ADAMTS17: variants seen among roughly 807,000 people sequenced by gnomAD.
The protein encoded by ADAMTS17 is ADAM metallopeptidase with thrombospondin type 1 motif 17, also known as A disintegrin and metalloproteinase with thrombospondin motifs 17.
ADAMTS17 carries 113 observed loss-of-function variants against 141.5 expected under a neutral mutation model. That is an observed-to-expected ratio of 0.80 (90% CI 0.69 to 0.93). ADAMTS17 has a LOEUF of 0.93. Among genes scored for constraint, ADAMTS17 ranks in the 40% least tolerant of loss-of-function variants. ADAMTS17 has a pLI of 0.00. For synonymous variants in ADAMTS17, 768 were observed against 630.6 expected (o/e 1.22, Z -3.27); for missense variants, 1,659 against 1,517.9 (o/e 1.09, Z -1.54).
intron 15 of ADAMTS17, among the ~76,000 whole-genome samples, chr15:100,089,600 T>C (rs1449603531): frequency 6.6e-6 from 1 of 151,726 alleles, no homozygotes; most frequent in Admixed American, 6.6e-5. Context: ...CAACAGTGAT[T>C]GACTGGATTA....
At chr15:100,127,668 A>G (rs1210624306) in intron 12 of ADAMTS17, among the ~76,000 whole-genome samples, 1 of 152,052 alleles carries the variant, frequency 6.6e-6, no homozygotes, top group Non-Finnish European at 1.5e-5. Flanking sequence ...TGCAAACTGC[A>G]CCTCCCGGGT....
intron 8 of ADAMTS17, among the ~76,000 whole-genome samples, chr15:100,184,116 G>A (rs1168960836): frequency 6.6e-6 from 1 of 152,170 alleles, no homozygotes; most frequent in Non-Finnish European, 1.5e-5. Flanking sequence ...AGTAGGCCTG[G>A]GGTTTGCTGC....
intron 15 of ADAMTS17, among the ~76,000 whole-genome samples, chr15:100,057,233 G>A (rs1331980641): frequency 6.6e-6 from 1 of 152,168 alleles, no homozygotes; most frequent in African/African-American, 2.4e-5. Flanking sequence ...GCAAGAGAGG[G>A]AGAGTGGCCT....
At chr15:99,987,882 G>A (rs1238346918) in intron 20 of ADAMTS17, among the ~76,000 whole-genome samples, 1 of 152,106 alleles carries the variant, frequency 6.6e-6, no homozygotes, top group African/African-American at 2.4e-5. Flanking sequence ...GAGGGTGGGT[G>A]GTGAGGTCCA....
chr15:100,143,434 A>G (rs965952288), intron 10 of ADAMTS17, among the ~76,000 whole-genome samples: 2 of 152,236 alleles, frequency 1.3e-5, no homozygotes, highest in Middle Eastern at 3.2e-3. Context: ...CTAATTGCAT[A>G]AAGTTTATTT....
intron 15 of ADAMTS17, among the ~76,000 whole-genome samples, chr15:100,085,596 AG>A (rs2035046915): frequency 6.6e-6 from 1 of 152,122 alleles, no homozygotes; most frequent in Admixed American, 6.5e-5. Flanking sequence ...CCAGAGAGAA[AG>A]GTCGGGTTAC....
At chr15:100,199,780 C>A (rs569599318) in intron 7 of ADAMTS17, among the ~76,000 whole-genome samples, 1 of 152,196 alleles carries the variant, frequency 6.6e-6, no homozygotes, top group Non-Finnish European at 1.5e-5. Flanking sequence ...TGCGATCCTA[C>A]GCCAGATCTG....
intron 18 of ADAMTS17, among the ~76,000 whole-genome samples, chr15:100,003,241 T>C (rs1033315949): frequency 2.0e-5 from 3 of 152,128 alleles, no homozygotes; most frequent in African/African-American, 7.3e-5. Context: ...ACGCCCTTCC[T>C]TCTACTTCCC....
rs528366665 is a variant in ADAMTS17 at position 100,297,701 on chromosome 15, T to C, written c.617-16300A>G. On this transcript the variant is annotated intron_variant, in intron 3 of 21. Coordinates refer to ENST00000268070, the MANE Select transcript of ADAMTS17 (RefSeq NM_139057.4). ...TGCTTTAGAAGCATCCAGGTGGAGATGTCAGGCTGGCTGCTGGCTGTGCGG... is the reference window on the plus strand; with the variant it reads ...TGCTTTAGAAGCATCCAGGTGGAGACGTCAGGCTGGCTGCTGGCTGTGCGG... Among the ~76,000 whole-genome samples, 619 of 152,216 alleles carry C rather than the reference T, an allele frequency of 4.1e-3. 4 individuals are homozygous for C. Among genetic ancestry groups the C allele is most frequent in the Admixed American group, 5.6e-3 (86 of 15,294 alleles).
At chr15:100,036,371 T>C (rs1313129376) in intron 18 of ADAMTS17, among the ~76,000 whole-genome samples, 4 of 152,186 alleles carry the variant, frequency 2.6e-5, no homozygotes, top group South Asian at 2.1e-4. Context: ...CAGCCCAGCA[T>C]GATAAAGGCA....
chr15:100,169,911 C>T (rs777335254), intron 8 of ADAMTS17, among the ~76,000 whole-genome samples: 2 of 149,536 alleles, frequency 1.3e-5, no homozygotes, highest in Non-Finnish European at 2.9e-5. Context: ...TCCGGGGCCA[C>T]TCCCGGGGGC....
intron 10 of ADAMTS17, among the ~76,000 whole-genome samples, chr15:100,134,507 T>C (rs1484983795): frequency 1.3e-5 from 2 of 152,220 alleles, no homozygotes; most frequent in Non-Finnish European, 2.9e-5. Context: ...TGCTTCACAC[T>C]GAGCAGGATG....
intron 7 of ADAMTS17, among the ~76,000 whole-genome samples, chr15:100,218,169 G>A (rs544072186): frequency 2.6e-5 from 4 of 152,230 alleles, no homozygotes; most frequent in Non-Finnish European, 4.4e-5. Context: ...CACTGCACTC[G>A]GCCAAACAGA....
chr15:100,036,822 G>T (rs1260200949), intron 18 of ADAMTS17, among the ~76,000 whole-genome samples: 1 of 152,056 alleles, frequency 6.6e-6, no homozygotes, highest in Non-Finnish European at 1.5e-5. Context: ...ATTGCATCTC[G>T]ATGGAATTTC....
At chr15:100,243,789 T>C (rs1410579663) in intron 7 of ADAMTS17, among the ~76,000 whole-genome samples, 1 of 93,468 alleles carries the variant, frequency 1.1e-5, no homozygotes, top group African/African-American at 4.4e-5. Context: ...GACTCCATCT[T>C]AAAAAAAAAA....
chr15:100,095,441 G>C (rs1038593512), intron 15 of ADAMTS17, among the ~76,000 whole-genome samples: 1 of 152,146 alleles, frequency 6.6e-6, no homozygotes, highest in Non-Finnish European at 1.5e-5. Flanking sequence ...CTCACCTTAC[G>C]GGGCTGTTCT....
intron 12 of ADAMTS17, among the ~76,000 whole-genome samples, chr15:100,118,827 G>A (rs905632819): frequency 7.9e-5 from 12 of 152,144 alleles, no homozygotes; most frequent in Non-Finnish European, 1.8e-4. Context: ...GAACGAGTGA[G>A]GCAGCAGATG....
chr15:99,985,774 T>C (rs565566479), intron 20 of ADAMTS17, among the ~76,000 whole-genome samples: 1 of 152,310 alleles, frequency 6.6e-6, no homozygotes, highest in East Asian at 1.9e-4. Context: ...GACAGATGGG[T>C]GAGGGTCCAA....
At chr15:100,032,559 A>G (rs1469798400) in intron 18 of ADAMTS17, among the ~76,000 whole-genome samples, 1 of 152,082 alleles carries the variant, frequency 6.6e-6, no homozygotes, top group East Asian at 1.9e-4. Context: ...CCTTGATAGC[A>G]CTCGGAGTTA....
Sources: allele counts gnomAD v4.1 joint callset (sites outside exome capture counted in the v4.1 genomes callset), GRCh38; gene constraint gnomAD v4.1.1; transcripts MANE v1.5; gene names NCBI Gene and HGNC (gene_info 2026-07-23, HGNC 2026-07-21).